Variants in ADCY4 observed in about 807,000 individuals in gnomAD.
ADCY4 encodes the protein adenylate cyclase type 4.
ADCY4 carries 111 observed loss-of-function variants against 125.5 expected under a neutral mutation model. That is an observed-to-expected ratio of 0.88 (90% CI 0.76 to 1.04). The LOEUF is 1.04. Ranked by LOEUF, ADCY4 falls within the 50% of genes least tolerant of loss-of-function variation. ADCY4 has a pLI of 0.00. For synonymous variants in ADCY4, 576 were observed against 586.9 expected (o/e 0.98, Z 0.27); for missense variants, 1,256 against 1,382.9 (o/e 0.91, Z 1.46).
At position 24,325,833 on chromosome 14, in the gene ADCY4, C is replaced by T; in HGVS notation, c.1710G>A (p.Lys570=). 1 of 1,597,910 alleles carries T rather than the reference C, an allele frequency of 6.3e-7. No homozygotes were observed. Among genetic ancestry groups the T allele is most frequent in the Non-Finnish European group, 8.5e-7 (1 of 1,170,358 alleles). The part of the protein sequence containing the change: ...FNPLTLYFRE[K]EMEKEYRLSA... ...CACAGCCCACCTCTTTCTCCATCTCCTTCTCTCTGAAGTACAGTGTCAGTG... is the reference window on the plus strand; with the variant it reads ...CACAGCCCACCTCTTTCTCCATCTCTTTCTCTCTGAAGTACAGTGTCAGTG... The change falls in exon 13 of 25, where the codon AAG becomes AAA. Residue 570 remains lysine (K), a synonymous_variant. Coordinates refer to ENST00000418030, the MANE Select transcript of ADCY4 (RefSeq NM_001198568.2).
At chr14:24,318,886 A>C in intron 23 of ADCY4, 108 bp from the exon 24 acceptor site, 1 of 1,518,584 alleles carries the variant, frequency 6.6e-7, no homozygotes, top group Non-Finnish European at 9.0e-7. Context: ...AGAGGAGAGG[A>C]GGGGTCTCTA....
At position 24,332,681 on chromosome 14, in the gene ADCY4, C is replaced by T; in HGVS notation, c.360G>A (p.Val120=). 2 of 1,585,714 alleles carry T rather than the reference C, an allele frequency of 1.3e-6. No homozygotes were observed. The highest frequency in any genetic ancestry group is 1.7e-6 in the Non-Finnish European group (2 of 1,165,860). The change falls in exon 3 of 25, where the codon GTG becomes GTA. Residue 120 remains valine, a splice_region_variant and synonymous_variant. Transcript: ENST00000418030. ...TGAAGATGACGAAGAGAAAATAGGA[C>T]ACCTGGGGGCGGGGCGCGGGAAGCC... ...TGGVVSAWDQ[V]SYFLFVIFTA... is the part of the protein sequence containing the mutation.
At chr14:24,331,972 C>T (rs963733239) in intron 3 of ADCY4, 35 bp from the exon 4 acceptor site, 3 of 1,505,920 alleles carry the variant, frequency 2.0e-6, no homozygotes, top group Non-Finnish European at 2.7e-6. Flanking sequence ...GGGCGCGGGA[C>T]CCGGGTGCTT....
intron 20 of ADCY4, 84 bp downstream of exon 20, chr14:24,321,982 G>A (rs770727164): frequency 1.3e-4 from 190 of 1,489,914 alleles, no homozygotes; most frequent in Admixed American, 2.8e-4. Flanking sequence ...GGGTTCTAGA[G>A]AAAACGGGCC....
chr14:24,322,692 C>T lies in ADCY4; in HGVS notation c.2359G>A (p.Glu787Lys), dbSNP rs2041871582. ...PLDSRPGVLK[E>K]PKLMGAISFF... ...GAGATAGCACCCATCAGTTTGGGCTCCTTCAGCACTCCGGGCCTGAAGGGG... is the reference window on the plus strand; with the variant it reads ...GAGATAGCACCCATCAGTTTGGGCTTCTTCAGCACTCCGGGCCTGAAGGGG... The change falls in exon 19 of 25, where the codon GAG (glutamate) becomes AAG (lysine). Residue 787 changes from glutamate to lysine, a missense_variant. Coordinates refer to ENST00000418030, the MANE Select transcript of ADCY4 (RefSeq NM_001198568.2). 6.2e-7 allele frequency: 1 copy of T among 1,614,134 alleles called. No individual in the cohort carries two copies. Among genetic ancestry groups the T allele is most frequent in the South Asian group, 1.1e-5 (1 of 91,066 alleles).
At position 24,333,008 on chromosome 14, in the gene ADCY4, A is replaced by G; in HGVS notation, c.160-20T>C. 1 of 1,505,364 alleles carries G rather than the reference A, an allele frequency of 6.6e-7. No individual in the cohort carries two copies. Among genetic ancestry groups the G allele is most frequent in the Non-Finnish European group, 8.9e-7 (1 of 1,127,718 alleles). 93.3% of individuals were successfully genotyped at this position (1,505,364 alleles called of 1,614,324 possible). A position where few individuals can be genotyped will look rare whatever the true frequency, so the allele number is the denominator to read the frequency against. On this transcript the variant is annotated intron_variant, in intron 1 of 24. Coordinates refer to ENST00000418030, the MANE Select transcript of ADCY4 (RefSeq NM_001198568.2). Reference sequence around the variant, plus strand: ...CAGCTCCTGTGGGCAGGGGTGTGTGAGGCAAGATTGTGACAGGGAGAAGGA... The same window carrying G: ...CAGCTCCTGTGGGCAGGGGTGTGTGGGGCAAGATTGTGACAGGGAGAAGGA...
At chr14:24,322,564 G>C (rs1187359867) in intron 19 of ADCY4, 60 bp downstream of exon 19, 1 of 1,555,224 alleles carries the variant, frequency 6.4e-7, no homozygotes, top group Admixed American at 1.7e-5. Context: ...GAAAGATCAA[G>C]TCACAGATAT....
At chr14:24,320,883 C>T (rs926440537) in intron 20 of ADCY4, among the ~76,000 whole-genome samples, 2 of 151,956 alleles carry the variant, frequency 1.3e-5, no homozygotes, top group African/African-American at 4.8e-5. Context: ...CTAATGGCTA[C>T]CATATTGGAT....
chr14:24,325,226 T>C, intron 14 of ADCY4, 151 bp downstream of exon 14: 1 of 619,902 alleles, frequency 1.6e-6, no homozygotes, highest in East Asian at 2.8e-5. Flanking sequence ...AGGGCCGTGA[T>C]TATCATTTTC....
Position 24,332,918 on chromosome 14 carries a change from C to A in ADCY4, c.230G>T (p.Gly77Val), listed in dbSNP as rs1175687653. 6.2e-7 allele frequency: 1 copy of A among 1,602,374 alleles called. No homozygotes were observed. Among genetic ancestry groups the A allele is most frequent in the Non-Finnish European group, 8.5e-7 (1 of 1,173,472 alleles). ...CAGTCGCTGCTCCCGGGAAGCGAGG[C>A]CCAGCAGCAGCGAGAAGCCGCCCAG... ...CALGGFSLLLGLASREQRLQR... is the reference protein window; with the variant it reads ...CALGGFSLLLVLASREQRLQR... Residue 77 changes from glycine to valine, a missense_variant, in exon 2 of 25, where the codon GGC becomes GTC. Coordinates refer to ENST00000418030, the MANE Select transcript of ADCY4 (RefSeq NM_001198568.2).
Position 24,329,475 on chromosome 14 carries a change from C to G in ADCY4, c.1276G>C (p.Asp426His). ...GGGTCCCGATGCTCCATGCCTGCGT[C>G]CTCCACAGCATAAGCCCCTGCCAGC... ...ALLAGAYAVE[D>H]AGMEHRDPYL... Residue 426 changes from aspartate (D) to histidine (H), a missense_variant, in exon 9 of 25, where the codon GAC becomes CAC. Transcript: ENST00000418030. The G allele has an allele frequency of 6.3e-7, 1 of 1,581,330 alleles. No homozygotes were observed. The highest frequency in any genetic ancestry group is 1.2e-5 in the South Asian group (1 of 85,888).
At chr14:24,334,230 T>G (rs574844218) in intron 1 of ADCY4, among the ~76,000 whole-genome samples, 8 of 152,148 alleles carry the variant, frequency 5.3e-5, no homozygotes, top group Non-Finnish European at 1.2e-4. Flanking sequence ...GGATTTATTG[T>G]AGAACCCGTA....
chr14:24,325,704 C>A (rs2041931230), intron 13 of ADCY4, 114 bp downstream of exon 13: 1 of 1,274,154 alleles, frequency 7.8e-7, no homozygotes, highest in African/African-American at 1.5e-5. Flanking sequence ...AGCTCCTCAC[C>A]CCTAGGATCA....
chr14:24,330,395 A>AGC, intron 6 of ADCY4, 100 bp from the exon 7 acceptor site: 1 of 1,543,940 alleles, frequency 6.5e-7, no homozygotes, highest in Non-Finnish European at 8.9e-7. Flanking sequence ...ATTCCTGAAG[A>AGC]ACTTCCAAGG....
chr14:24,331,474 C>T (rs796348422), intron 4 of ADCY4, 118 bp from the exon 5 acceptor site: 4 of 1,385,416 alleles, frequency 2.9e-6, no homozygotes, highest in Non-Finnish European at 2.9e-6. Flanking sequence ...GGTGCTCCCC[C>T]AGGTCCTCCC....
rs2041925862 is a variant in ADCY4 at position 24,325,378 on chromosome 14, T to C, written c.1822A>G (p.Arg608Gly). 1 of 1,613,246 alleles carries C rather than the reference T, an allele frequency of 6.2e-7. No homozygotes were observed. The highest frequency in any genetic ancestry group is 2.2e-5 in the East Asian group (1 of 44,878). Reference sequence around the variant, plus strand: ...CTCCTTTGCCTGGGGCACTCTCACCTGTTTGTCACTAGCATCTGGATGATG... The same window carrying C: ...CTCCTTTGCCTGGGGCACTCTCACCCGTTTGTCACTAGCATCTGGATGATG... ...NFIIQMLVTN[R>G]PPALAITYSI... The change falls in exon 14 of 25, where the codon AGG becomes GGG. Residue 608 changes from arginine to glycine, a missense_variant and splice_region_variant. By Grantham distance (125) the Arg-to-Gly change is moderately radical. Transcript: ENST00000418030.
Sources: gnomAD v4.1 joint callset for allele counts (sites outside exome capture counted in the v4.1 genomes callset) on GRCh38, gnomAD v4.1.1 for gene constraint, MANE v1.5 for transcripts, NCBI Gene and HGNC (gene_info 2026-07-23, HGNC 2026-07-21) for gene names.